The following SLC9A9 variants were observed in gnomAD, a reference collection of about 807,000 sequenced individuals.
SLC9A9 encodes solute carrier family 9 member A9, also known as sodium/hydrogen exchanger 9.
In SLC9A9, 62 loss-of-function variants were observed where a neutral mutation model predicts 77.8. The ratio of observed to expected loss-of-function variants is 0.80; its 90% CI spans 0.65 to 0.98. The LOEUF is 0.98. Ranked by LOEUF, SLC9A9 falls within the 50% of genes least tolerant of loss-of-function variation. The pLI, the probability that SLC9A9 is intolerant of heterozygous loss-of-function variation, is 0.00. For missense variants in SLC9A9, 775 were observed against 774.9 expected (o/e 1.00, Z 0.00); for synonymous variants, 320 against 283.5 (o/e 1.13, Z -1.29).
intron 8 of SLC9A9, among the ~76,000 whole-genome samples, chr3:143,568,885 A>G (rs2037213867): frequency 6.6e-6 from 1 of 152,012 alleles, no homozygotes; most frequent in Non-Finnish European, 1.5e-5. Context: ...GCACATATAC[A>G]AACAATAACC....
At chr3:143,376,872 C>T (rs950433522) in intron 13 of SLC9A9, among the ~76,000 whole-genome samples, 2 of 152,186 alleles carry the variant, frequency 1.3e-5, no homozygotes, top group African/African-American at 4.8e-5. Flanking sequence ...CAAAAGCTCT[C>T]ACCTGGGTCA....
intron 1 of SLC9A9, among the ~76,000 whole-genome samples, chr3:143,843,165 C>T (rs532744292): frequency 2.0e-5 from 3 of 152,048 alleles, no homozygotes; most frequent in Non-Finnish European, 2.9e-5. Context: ...CTTCAGCCAG[C>T]GGGAAGGGGG....
rs151106907 is a variant in SLC9A9, at chr3:143,523,394, G to GA, written c.1090-27947dup. Among the ~76,000 whole-genome samples, 1,115 of 151,972 alleles carry GA rather than the reference G, an allele frequency of 7.3e-3. 16 individuals are homozygous for GA. Among genetic ancestry groups the GA allele is most frequent in the African/African-American group, 0.026 (1,065 of 41,424 alleles). Reference sequence around the variant, plus strand: ...GAACTTCATATTTTTGTTAATTTCAGAAAAAATCAATAAGTAAAAACAATT... The same window carrying GA: ...GAACTTCATATTTTTGTTAATTTCAGAAAAAAATCAATAAGTAAAAACAATT... On this transcript the variant is annotated intron_variant, in intron 9 of 15. Coordinates refer to ENST00000316549, the MANE Select transcript of SLC9A9 (RefSeq NM_173653.4).
chr3:143,705,179 A>T (rs770722313), intron 4 of SLC9A9, among the ~76,000 whole-genome samples: 1 of 152,044 alleles, frequency 6.6e-6, no homozygotes, highest in African/African-American at 2.4e-5. Context: ...ATGTTAAGTG[A>T]AAGAAGCCAG....
At chr3:143,734,082 A>G (rs1459895602) in intron 4 of SLC9A9, among the ~76,000 whole-genome samples, 1 of 152,154 alleles carries the variant, frequency 6.6e-6, no homozygotes, top group African/African-American at 2.4e-5. Context: ...CTGTAGTCCC[A>G]GCTTCTCAGG....
At chr3:143,314,032 G>A (rs2031118159) in intron 14 of SLC9A9, among the ~76,000 whole-genome samples, 1 of 152,130 alleles carries the variant, frequency 6.6e-6, no homozygotes, top group Non-Finnish European at 1.5e-5. Flanking sequence ...CCCTCCTCTG[G>A]GCTCCCACTG....
At chr3:143,640,972 C>T (rs1378777728) in intron 6 of SLC9A9, among the ~76,000 whole-genome samples, 1 of 152,174 alleles carries the variant, frequency 6.6e-6, no homozygotes, top group East Asian at 1.9e-4. Flanking sequence ...CAACAGCTGA[C>T]ATGGCAGAAA....
chr3:143,417,311 T>C (rs2034213151), intron 12 of SLC9A9, among the ~76,000 whole-genome samples: 1 of 151,840 alleles, frequency 6.6e-6, no homozygotes, highest in Non-Finnish European at 1.5e-5. Context: ...AAATTTGCCT[T>C]CCCCCCAAAG....
chr3:143,443,565 C>A (rs2034789008), intron 12 of SLC9A9, among the ~76,000 whole-genome samples: 1 of 152,128 alleles, frequency 6.6e-6, no homozygotes, highest in Non-Finnish European at 1.5e-5. Context: ...TTTAAATGAG[C>A]ATTTTTAATT....
intron 6 of SLC9A9, among the ~76,000 whole-genome samples, chr3:143,593,976 T>A (rs920519017): frequency 6.6e-6 from 1 of 152,166 alleles, no homozygotes; most frequent in Non-Finnish European, 1.5e-5. Flanking sequence ...TGCCTGACAA[T>A]CCTTGGCTAT....
intron 9 of SLC9A9, chr3:143,504,272 A>G (rs1295323598): frequency 1.3e-5 from 3 of 231,080 alleles, no homozygotes; most frequent in African/African-American, 2.3e-5. Context: ...CACCTTCACC[A>G]TGGTGTCTCA....
intron 4 of SLC9A9, among the ~76,000 whole-genome samples, chr3:143,780,784 G>C (rs1249533837): frequency 6.6e-6 from 1 of 152,216 alleles, no homozygotes; most frequent in Non-Finnish European, 1.5e-5. Flanking sequence ...TAGATTCAGA[G>C]AGGGACTGAG....
chr3:143,530,658 C>CA (rs1553763950), intron 9 of SLC9A9, among the ~76,000 whole-genome samples: 3,929 of 137,960 alleles, frequency 0.028, 190 homozygotes, highest in African/African-American at 0.097. Context: ...CAAAACAAAA[C>CA]AAACAAACAA....
At chr3:143,833,077 T>A (rs1235435916) in intron 1 of SLC9A9, among the ~76,000 whole-genome samples, 1 of 152,176 alleles carries the variant, frequency 6.6e-6, no homozygotes, top group Non-Finnish European at 1.5e-5. Flanking sequence ...ATCTGATAAC[T>A]GTGGGCTTTT....
intron 11 of SLC9A9, among the ~76,000 whole-genome samples, chr3:143,482,835 T>G (rs185221070): frequency 3.4e-4 from 52 of 152,230 alleles, no homozygotes; most frequent in Non-Finnish European, 6.5e-4. Context: ...AACAACAGAG[T>G]GTTGCCTTTT....
intron 12 of SLC9A9, 120 bp downstream of exon 12, chr3:143,466,917 A>C: frequency 7.9e-7 from 1 of 1,265,076 alleles, no homozygotes; most frequent in South Asian, 1.3e-5. Context: ...GGTCAACTTG[A>C]CTGCTGGGAA....
intron 9 of SLC9A9, among the ~76,000 whole-genome samples, chr3:143,515,004 T>C (rs920550933): frequency 3.3e-5 from 5 of 152,344 alleles, no homozygotes; most frequent in African/African-American, 9.6e-5. Context: ...CTAAGCTTAA[T>C]CATTTCTAGC....
chr3:143,434,007 A>C (rs1033002716), intron 12 of SLC9A9, among the ~76,000 whole-genome samples: 1 of 152,106 alleles, frequency 6.6e-6, no homozygotes, highest in Non-Finnish European at 1.5e-5. Context: ...CCTACCTCTT[A>C]ACTTCATCTC....
In SLC9A9 at chr3:143,832,056, T is replaced by A; in HGVS notation, c.341A>T (p.Asn114Ile). The part of the protein sequence containing the change: ...YKYKREISQH[N>I]INPHQGNAIL... Reference sequence around the variant, plus strand: ...AGCATTTCCTTGATGAGGATTGATGTTGTGCTGACTTATTTCTCTTTTGTA... The same window carrying A: ...AGCATTTCCTTGATGAGGATTGATGATGTGCTGACTTATTTCTCTTTTGTA... Residue 114 changes from asparagine (N) to isoleucine (I), a missense_variant, in exon 2 of 16, where the codon AAC (asparagine) becomes ATC (isoleucine). Asn to Ile is a moderately radical substitution (Grantham distance 149). Transcript: ENST00000316549. 6.2e-7 allele frequency: 1 copy of A among 1,612,992 alleles called. No individual in the cohort carries two copies. The highest frequency in any genetic ancestry group is 2.2e-5 in the East Asian group (1 of 44,782).
Sources: allele counts gnomAD v4.1 joint callset (sites outside exome capture counted in the v4.1 genomes callset), GRCh38; gene constraint gnomAD v4.1.1; transcripts MANE v1.5; gene names NCBI Gene and HGNC (gene_info 2026-07-23, HGNC 2026-07-21).